The following HYDIN variants were observed in gnomAD, a reference collection of about 807,000 sequenced individuals.
HYDIN encodes the protein axonemal central pair apparatus protein HYDIN.
Under a neutral mutation model 403.9 loss-of-function variants are expected in HYDIN, and 132 were observed. The ratio of observed to expected loss-of-function variants is 0.33; its 90% confidence interval spans 0.28 to 0.38. HYDIN has a LOEUF of 0.38. Ranked by LOEUF, HYDIN falls within the 10% of genes least tolerant of loss-of-function variation. HYDIN has a pLI of 1.00. For missense variants in HYDIN, 2,827 were observed against 5,009.5 expected (o/e 0.56, Z 13.15); for synonymous variants, 1,202 against 1,891.7 (o/e 0.64, Z 9.46).
Position 70,879,178 on chromosome 16 carries a change from A to G in HYDIN, c.10557+119T>C, listed in dbSNP as rs1170533835. The G allele has an allele frequency of 4.9e-6, 3 of 613,558 alleles. No homozygotes were observed. In the African/African-American group the frequency reaches 5.6e-5, roughly 11 times the overall value. 38.0% of individuals were successfully genotyped at this position (613,558 alleles called of 1,614,324 possible). On this transcript the variant is annotated intron_variant, in intron 62 of 85. Transcript: ENST00000393567. Reference sequence around the variant, plus strand: ...CTGCATGTCCCTGACACATAGGTTAATGTATGTGGATCAACAGAGAAGTCC... The same window carrying G: ...CTGCATGTCCCTGACACATAGGTTAGTGTATGTGGATCAACAGAGAAGTCC...
chr16:71,152,394 C>A (rs1048017121), intron 7 of HYDIN, among the ~76,000 whole-genome samples: 1 of 150,472 alleles, frequency 6.6e-6, no homozygotes, highest in Non-Finnish European at 1.5e-5. Flanking sequence ...TTTGGAGGAA[C>A]AGGTGGTGTT....
intron 53 of HYDIN, among the ~76,000 whole-genome samples, chr16:70,900,646 T>A (rs1325254720): frequency 6.7e-6 from 1 of 148,498 alleles, no homozygotes. Flanking sequence ...ATCCGATAGG[T>A]GACTGGGTTT....
intron 45 of HYDIN, among the ~76,000 whole-genome samples, chr16:70,922,065 C>T (rs2077011416): frequency 6.6e-6 from 1 of 152,204 alleles, no homozygotes; most frequent in Non-Finnish European, 1.5e-5. Context: ...TCTCCCTTCC[C>T]AGGTCTAGCT....
chr16:70,923,770 G>T (rs57000488), intron 45 of HYDIN, among the ~76,000 whole-genome samples: 1 of 147,756 alleles, frequency 6.8e-6, no homozygotes, highest in Non-Finnish European at 1.5e-5. Flanking sequence ...GCAGTGAGCC[G>T]AGATCATGCC....
chr16:70,921,764 T>G (rs2077001320), intron 45 of HYDIN, among the ~76,000 whole-genome samples: 2 of 152,208 alleles, frequency 1.3e-5, no homozygotes, highest in African/African-American at 4.8e-5. Context: ...TTTCAGTTAT[T>G]AAAACCACAC....
At chr16:70,939,636 C>T (rs1597372306) in intron 43 of HYDIN, among the ~76,000 whole-genome samples, 1 of 152,140 alleles carries the variant, frequency 6.6e-6, no homozygotes, top group Non-Finnish European at 1.5e-5. Context: ...CTGTGATTAT[C>T]CCTTAATAAG....
At chr16:71,038,275 A>G (rs2081162543) in intron 18 of HYDIN, among the ~76,000 whole-genome samples, 1 of 152,264 alleles carries the variant, frequency 6.6e-6, no homozygotes, top group Non-Finnish European at 1.5e-5. Context: ...TTTATTTGAC[A>G]ATACGGCAGC....
chr16:70,902,806 T>C (rs1424924074), intron 52 of HYDIN, among the ~76,000 whole-genome samples: 2 of 20,372 alleles, frequency 9.8e-5, no homozygotes, highest in South Asian at 2.4e-3. Context: ...TATATATATA[T>C]ATATATATAT....
Position 70,823,768 on chromosome 16 carries a change from C to G in HYDIN, c.14427+3493G>C, listed in dbSNP as rs113197151. On this transcript the variant is annotated intron_variant, in intron 83 of 85. Coordinates refer to ENST00000393567, the MANE Select transcript of HYDIN (RefSeq NM_001270974.2). ...CGCTCATGCTGTCTTCTGACCTGTC[C>G]TCTTTACTCATGCACTGGTCCCTTC... Among the ~76,000 whole-genome samples the G allele has an allele frequency of 5.1e-3, 766 of 150,856 alleles. 4 individuals carry two copies. The highest frequency in any genetic ancestry group is 0.017 in the African/African-American group (704 of 41,052).
At position 71,060,637 on chromosome 16, in the gene HYDIN, G is replaced by A. The variant is rs369110607; in HGVS notation, c.2396C>T (p.Ala799Val). Residue 799 changes from alanine to valine, a missense_variant, in exon 18 of 86, where the codon GCT (alanine) becomes GTT (valine). Ala to Val is a moderately conservative substitution (Grantham distance 64, BLOSUM62 0). Coordinates refer to ENST00000393567, the MANE Select transcript of HYDIN (RefSeq NM_001270974.2). ...GACGTAGATAACTGGGCCTTCTCCA[G>A]CGCTCTTTAAGTGACATACCTGAGT... is the stretch of plus-strand genomic sequence containing the variant. ...DPPLVCHLKS[A>V]GEGPVIYVHP... 1.9e-5 allele frequency: 12 copies of A among 626,230 alleles called. No individual in the cohort carries two copies. In the Admixed American group the frequency reaches 2.7e-4, roughly 14 times the overall value. The allele number at this position is 626,230 out of a possible 1,614,324, so 38.8% of individuals were successfully genotyped here.
intron 7 of HYDIN, among the ~76,000 whole-genome samples, chr16:71,138,598 CA>C (rs1004689580): frequency 5.4e-5 from 8 of 149,472 alleles, no homozygotes; most frequent in African/African-American, 1.7e-4. Context: ...ACATCCTTTC[CA>C]AAAAAAAGGT....
intron 81 of HYDIN, 36 bp from the exon 82 acceptor site, chr16:70,828,465 A>T (rs762024212): frequency 1.3e-6 from 2 of 1,586,270 alleles, no homozygotes; most frequent in Non-Finnish European, 1.7e-6. Flanking sequence ...AATGCCACAC[A>T]GCATTCTTTA....
chr16:70,943,686 C>G (rs2077751080), intron 42 of HYDIN, 126 bp downstream of exon 42: 1 of 1,342,160 alleles, frequency 7.5e-7, no homozygotes, highest in Non-Finnish European at 9.9e-7. Flanking sequence ...AAAAGACAAG[C>G]AAACGACTGC....
rs570270910 is a variant in HYDIN, at chr16:70,919,533, C to G, written c.7785+1058G>C. Among the ~76,000 whole-genome samples, 4 of 152,258 alleles carry G rather than the reference C, an allele frequency of 2.6e-5. No individual in the cohort carries two copies. The East Asian group carries it at 7.7e-4, about 29-fold the overall frequency. Reference sequence around the variant, plus strand: ...GATGACTCTGATCCTCCCGTCATCCCTGACCTGCCACATATCCCTCCCAGG... The same window carrying G: ...GATGACTCTGATCCTCCCGTCATCCGTGACCTGCCACATATCCCTCCCAGG... On this transcript the variant is annotated intron_variant, in intron 46 of 85. Transcript: ENST00000393567.
At chr16:70,972,761 T>C (rs1049305843) in intron 35 of HYDIN, among the ~76,000 whole-genome samples, 2 of 152,228 alleles carry the variant, frequency 1.3e-5, no homozygotes, top group African/African-American at 2.4e-5. Context: ...ACAGTGCATA[T>C]ACCCTATGTT....
At chr16:71,144,585 G>C (rs1173920111) in intron 7 of HYDIN, among the ~76,000 whole-genome samples, 2 of 149,750 alleles carry the variant, frequency 1.3e-5, no homozygotes, top group Non-Finnish European at 3.0e-5. Flanking sequence ...CCCACAGGAA[G>C]AAAGAGGAAA....
At chr16:71,192,044 C>G (rs1000027540) in intron 1 of HYDIN, among the ~76,000 whole-genome samples, 1 of 152,120 alleles carries the variant, frequency 6.6e-6, no homozygotes, top group Non-Finnish European at 1.5e-5. Context: ...GTATTATTAC[C>G]CTTCCCATAT....
intron 23 of HYDIN, among the ~76,000 whole-genome samples, chr16:71,001,035 C>T (rs1028752775): frequency 7.0e-6 from 1 of 141,888 alleles, no homozygotes; most frequent in African/African-American, 2.7e-5. Context: ...GGGGCAGTTT[C>T]AGTCAAGTGA....
At chr16:70,895,780 C>A (rs1374591170) in intron 54 of HYDIN, among the ~76,000 whole-genome samples, 2 of 152,046 alleles carry the variant, frequency 1.3e-5, no homozygotes, top group East Asian at 3.9e-4. Context: ...TATGACCACC[C>A]GCTTTCTACC....
Sources: gnomAD v4.1 joint callset for allele counts (sites outside exome capture counted in the v4.1 genomes callset) on GRCh38, gnomAD v4.1.1 for gene constraint, MANE v1.5 for transcripts, NCBI Gene and HGNC (gene_info 2026-07-23, HGNC 2026-07-21) for gene names.